PCDH15: variants seen among roughly 807,000 people sequenced by gnomAD.
PCDH15 encodes protocadherin-15.
A neutral mutation model predicts 178.5 loss-of-function variants in PCDH15; 129 were observed. The observed-to-expected ratio is 0.72, with a 90% CI of 0.63 to 0.84. The LOEUF (loss-of-function observed/expected upper bound fraction) is 0.84, where lower values mean the gene tolerates loss of function less well. PCDH15 is among the 40% of genes least tolerant of loss of function. The probability of loss-of-function intolerance (pLI) is 0.00; values close to 1 mark genes in which losing one functional copy is unlikely to be tolerated. For synonymous variants in PCDH15, 800 were observed against 732.0 expected (o/e 1.09, Z -1.50); for missense variants, 2,230 against 2,099.9 (o/e 1.06, Z -1.21).
intron 3 of PCDH15, among the ~76,000 whole-genome samples, chr10:54,443,492 CACA>C: frequency 6.7e-6 from 1 of 149,928 alleles, no homozygotes; most frequent in Non-Finnish European, 1.5e-5. Context: ...GTATCAACAA[CACA>C]AAAAAAAATC....
At chr10:54,231,829 T>C (rs943123469) in intron 9 of PCDH15, among the ~76,000 whole-genome samples, 9 of 152,224 alleles carry the variant, frequency 5.9e-5, no homozygotes, top group African/African-American at 2.2e-4. Context: ...CTGTAGACCC[T>C]TTGCTTTGGC....
At position 53,806,989 on chromosome 10, in the gene PCDH15, T is replaced by C; in HGVS notation, c.4813A>G (p.Ile1605Val). The C allele has an allele frequency of 1.2e-6, 2 of 1,613,714 alleles. No homozygotes were observed. The highest frequency in any genetic ancestry group is 2.2e-5 in the East Asian group (1 of 44,858). ...CTCACCACAGAACCATTCTGTGCAA[T>C]ATATATATTGCCGTTGATATTACTG... ...IHSNINGNIY[I>V]AQNGSVVRTR... is the part of the protein sequence containing the mutation. Residue 1605 changes from isoleucine (I) to valine (V), a missense_variant, in exon 38 of 38, where the codon ATT becomes GTT. Coordinates refer to ENST00000644397, the MANE Select transcript of PCDH15 (RefSeq NM_001384140.1).
At chr10:54,143,984 A>T (rs12263311) in intron 14 of PCDH15, among the ~76,000 whole-genome samples, 2,342 of 151,868 alleles carry the variant, frequency 0.015, 75 homozygotes, top group African/African-American at 0.054. Flanking sequence ...TAAACAATGA[A>T]CCTTGTTGCA....
chr10:53,976,600 G>A (rs1253359114), intron 21 of PCDH15, among the ~76,000 whole-genome samples: 1 of 152,020 alleles, frequency 6.6e-6, no homozygotes, highest in East Asian at 1.9e-4. Context: ...TATTTTTATA[G>A]CACATATGCT....
chr10:55,382,894 T>C (rs941990558), intron 2 of PCDH15, among the ~76,000 whole-genome samples: 4 of 152,216 alleles, frequency 2.6e-5, no homozygotes, highest in Non-Finnish European at 5.9e-5. Context: ...CAAGCACTTT[T>C]GTGCTCCAGG....
chr10:55,343,103 T>G (rs189450576), intron 2 of PCDH15, among the ~76,000 whole-genome samples: 1 of 152,186 alleles, frequency 6.6e-6, no homozygotes, highest in Non-Finnish European at 1.5e-5. Flanking sequence ...CCTGGACTTA[T>G]GCACAATTTT....
intron 2 of PCDH15, among the ~76,000 whole-genome samples, chr10:55,422,346 A>G (rs1045719804): frequency 2.0e-5 from 3 of 151,872 alleles, no homozygotes; most frequent in Non-Finnish European, 4.4e-5. Context: ...AAAAGGCACC[A>G]TATTTTGAGT....
In PCDH15 at chr10:55,585,999, A is replaced by G. The variant is rs115174402; in HGVS notation, c.-156+41626T>C. On this transcript the variant is annotated intron_variant, in intron 2 of 5. Transcript: ENST00000613346. The stretch of plus-strand genomic sequence containing the variant: ...AAAAGACTCTATCCAGCTCTCACTT[A>G]TGTGTATGAATTCAGCCTAATCTGT... Among the ~76,000 whole-genome samples, 678 of 152,170 alleles carry G rather than the reference A, an allele frequency of 4.5e-3. 7 individuals are homozygous for G. The highest frequency in any genetic ancestry group is 0.016 in the African/African-American group (659 of 41,522).
chr10:53,942,558 C>T (rs1242298234), intron 23 of PCDH15, among the ~76,000 whole-genome samples: 1 of 152,170 alleles, frequency 6.6e-6, no homozygotes, highest in African/African-American at 2.4e-5. Context: ...ATATCCCTCA[C>T]TGGATTTGAT....
chr10:54,207,251 A>G (rs981506964), intron 10 of PCDH15, among the ~76,000 whole-genome samples: 8 of 152,106 alleles, frequency 5.3e-5, no homozygotes, highest in African/African-American at 1.9e-4. Context: ...AGCTTCCATA[A>G]TTGGCATAAT....
At chr10:55,085,219 G>A (rs574670422) in intron 2 of PCDH15, among the ~76,000 whole-genome samples, 2 of 151,776 alleles carry the variant, frequency 1.3e-5, no homozygotes, top group East Asian at 3.9e-4. Context: ...AGGTGGTATG[G>A]GTACTGAAGG....
At chr10:53,866,027 AAT>A (rs1483432352) in intron 27 of PCDH15, among the ~76,000 whole-genome samples, 1 of 152,156 alleles carries the variant, frequency 6.6e-6, no homozygotes, top group East Asian at 1.9e-4. Flanking sequence ...TTCCCTTTCA[AAT>A]GATCTATCAC....
intron 1 of PCDH15, among the ~76,000 whole-genome samples, chr10:54,780,990 G>A (rs969858322): frequency 6.6e-6 from 1 of 151,968 alleles, no homozygotes; most frequent in African/African-American, 2.4e-5. Flanking sequence ...CACAGCCTAT[G>A]GTAAGGGATA....
At chr10:54,258,952 A>G (rs2057115098) in intron 8 of PCDH15, among the ~76,000 whole-genome samples, 2 of 152,156 alleles carry the variant, frequency 1.3e-5, no homozygotes, top group Admixed American at 1.3e-4. Context: ...AGTTTTCAAT[A>G]TGAGCAAATA....
chr10:55,415,062 C>T (rs993145229), intron 2 of PCDH15, among the ~76,000 whole-genome samples: 2 of 151,412 alleles, frequency 1.3e-5, no homozygotes, highest in African/African-American at 4.8e-5. Context: ...TTATAAATGG[C>T]CTTTATTAAG....
chr10:54,424,687 T>G lies in PCDH15; in HGVS notation c.158-45745A>C, dbSNP rs566384964. Among the ~76,000 whole-genome samples the G allele has an allele frequency of 8.6e-5, 13 of 152,034 alleles. No individual in the cohort carries two copies. In the South Asian group the frequency reaches 2.1e-3, roughly 24 times the overall value. Reference sequence around the variant, plus strand: ...TGGAATACTATGCAGCCATAAAAAATGATGAGTTCATGTCCTTTGTAGGGA... The same window carrying G: ...TGGAATACTATGCAGCCATAAAAAAGGATGAGTTCATGTCCTTTGTAGGGA... On this transcript the variant is annotated intron_variant, in intron 3 of 37. Transcript: ENST00000644397.
chr10:54,995,233 A>C (rs1209241160), intron 2 of PCDH15, among the ~76,000 whole-genome samples: 1 of 151,828 alleles, frequency 6.6e-6, no homozygotes. Context: ...AAAATTAGCC[A>C]AGTGTGGTCA....
At chr10:54,992,103 T>G (rs946879386) in intron 2 of PCDH15, among the ~76,000 whole-genome samples, 1 of 152,214 alleles carries the variant, frequency 6.6e-6, no homozygotes, top group South Asian at 2.1e-4. Context: ...AATAAAGAAT[T>G]TTTTAAAAAT....
intron 1 of PCDH15, among the ~76,000 whole-genome samples, chr10:55,305,230 GATGA>G (rs1433830631): frequency 7.2e-4 from 110 of 152,328 alleles, no homozygotes; most frequent in African/African-American, 2.3e-3. Flanking sequence ...CTTTGGGCTA[GATGA>G]CTAGCTCATG....
Sources: gnomAD v4.1 joint callset for allele counts (sites outside exome capture counted in the v4.1 genomes callset) on GRCh38, gnomAD v4.1.1 for gene constraint, MANE v1.5 for transcripts, NCBI Gene and HGNC (gene_info 2026-07-23, HGNC 2026-07-21) for gene names.